Variants in MBD5 observed in about 807,000 individuals in gnomAD.
MBD5 encodes the protein methyl-CpG-binding domain protein 5.
Under a neutral mutation model 117.3 loss-of-function variants are expected in MBD5, and 13 were observed. The ratio of observed to expected loss-of-function variants is 0.11; its 90% confidence interval spans 0.07 to 0.18. MBD5 has a LOEUF of 0.18. Among genes scored for constraint, MBD5 ranks in the 10% least tolerant of loss-of-function variants. MBD5 has a pLI of 1.00. For missense variants in MBD5, 1,879 were observed against 2,093.8 expected, an observed-to-expected ratio of 0.90 and a Z score of 2.00; for synonymous variants, 727 against 766.4, an observed-to-expected ratio of 0.95 and a Z score of 0.85.
At chr2:148,177,322 T>A (rs1018550235) in intron 1 of MBD5, among the ~76,000 whole-genome samples, 5 of 152,196 alleles carry the variant, frequency 3.3e-5, no homozygotes, top group African/African-American at 1.2e-4. Context: ...GAATAGAGAA[T>A]CTGCCTCAGC....
chr2:148,359,585 G>T (rs1703478045), intron 4 of MBD5, among the ~76,000 whole-genome samples: 1 of 152,088 alleles, frequency 6.6e-6, no homozygotes, highest in Admixed American at 6.6e-5. Flanking sequence ...AGGCTTTGCA[G>T]TCTTAAGCAG....
chr2:148,302,367 A>C (rs552020529), intron 3 of MBD5, among the ~76,000 whole-genome samples: 12 of 152,300 alleles, frequency 7.9e-5, no homozygotes, highest in African/African-American at 2.2e-4. Flanking sequence ...ATCTGGAATG[A>C]GGACTTTCCC....
intron 1 of MBD5, among the ~76,000 whole-genome samples, chr2:148,161,132 A>G (rs1207605027): frequency 6.6e-6 from 1 of 152,194 alleles, no homozygotes; most frequent in Non-Finnish European, 1.5e-5. Flanking sequence ...TTTCACTGAT[A>G]CATTTAGCTT....
At chr2:148,080,868 T>C (rs1695631721) in intron 1 of MBD5, among the ~76,000 whole-genome samples, 1 of 152,176 alleles carries the variant, frequency 6.6e-6, no homozygotes, top group Non-Finnish European at 1.5e-5. Flanking sequence ...GGTGCTAAGA[T>C]AAGAGCCTTT....
chr2:148,180,725 G>A (rs1698512474), intron 2 of MBD5, among the ~76,000 whole-genome samples: 1 of 151,958 alleles, frequency 6.6e-6, no homozygotes, highest in Non-Finnish European at 1.5e-5. Context: ...TTTACACAAA[G>A]AGAAAGCAGA....
intron 1 of MBD5, among the ~76,000 whole-genome samples, chr2:148,052,170 A>G (rs1160604898): frequency 7.1e-6 from 1 of 140,652 alleles, no homozygotes; most frequent in Non-Finnish European, 1.6e-5. Flanking sequence ...TCTCTGTTGT[A>G]ATGTTTATTT....
intron 3 of MBD5, among the ~76,000 whole-genome samples, chr2:148,256,696 T>C (rs1700598613): frequency 6.6e-6 from 1 of 152,220 alleles, no homozygotes; most frequent in Non-Finnish European, 1.5e-5. Flanking sequence ...CAAGCAGTTA[T>C]AGCACCTCGG....
At chr2:148,066,730 G>A (rs1176611956) in intron 1 of MBD5, among the ~76,000 whole-genome samples, 1 of 152,026 alleles carries the variant, frequency 6.6e-6, no homozygotes, top group Non-Finnish European at 1.5e-5. Context: ...CACCTGCCTT[G>A]GCCTCCCAAA....
intron 1 of MBD5, chr2:148,055,923 T>TAGTA (rs1238679282): frequency 6.6e-6 from 1 of 152,198 alleles, no homozygotes; most frequent in Non-Finnish European, 1.5e-5. Context: ...ACATGTCACA[T>TAGTA]AGTACTCTGT....
At chr2:148,431,808 A>G (rs977579013) in intron 4 of MBD5, among the ~76,000 whole-genome samples, 22 of 152,138 alleles carry the variant, frequency 1.4e-4, no homozygotes, top group African/African-American at 5.1e-4. Flanking sequence ...GGTTGATTCC[A>G]TGTCTGTCCT....
chr2:148,216,541 T>A (rs1268060751), intron 2 of MBD5, among the ~76,000 whole-genome samples: 1 of 152,242 alleles, frequency 6.6e-6, no homozygotes, highest in East Asian at 1.9e-4. Context: ...TACAGGTATC[T>A]ACCGTGATAT....
chr2:148,215,066 G>T (rs183579902), intron 2 of MBD5, among the ~76,000 whole-genome samples: 1 of 152,258 alleles, frequency 6.6e-6, no homozygotes, highest in Admixed American at 6.5e-5. Flanking sequence ...ATAGGTTAAG[G>T]ATTGCACATT....
At chr2:148,475,551 T>C (rs950109360) in intron 8 of MBD5, among the ~76,000 whole-genome samples, 4 of 152,180 alleles carry the variant, frequency 2.6e-5, no homozygotes, top group African/African-American at 9.6e-5. Flanking sequence ...ATATGTTTGC[T>C]GATTCAGTGA....
At chr2:148,424,325 A>G (rs1705711333) in intron 4 of MBD5, among the ~76,000 whole-genome samples, 1 of 151,980 alleles carries the variant, frequency 6.6e-6, no homozygotes, top group African/African-American at 2.4e-5. Flanking sequence ...ATGCAACAAG[A>G]AGAGCTAATT....
chr2:148,064,453 T>C (rs755208347), intron 1 of MBD5, among the ~76,000 whole-genome samples: 2 of 152,124 alleles, frequency 1.3e-5, no homozygotes, highest in Non-Finnish European at 2.9e-5. Context: ...TACACAAAGA[T>C]TCTTTCCATA....
chr2:148,447,163 GGAA>G, intron 4 of MBD5, among the ~76,000 whole-genome samples: 1 of 123,198 alleles, frequency 8.1e-6, no homozygotes, highest in East Asian at 2.2e-4. Context: ...AGGAAAGAAA[GGAA>G]GAAAGGAAGA....
intron 1 of MBD5, among the ~76,000 whole-genome samples, chr2:148,135,267 A>G (rs1447588472): frequency 6.6e-6 from 1 of 152,144 alleles, no homozygotes; most frequent in Non-Finnish European, 1.5e-5. Flanking sequence ...TTCTATTCAC[A>G]AACAAAATTC....
Position 148,483,893 on chromosome 2 carries a change from C to T in MBD5, c.3302C>T (p.Thr1101Ile), listed in dbSNP as rs1559095624. The T allele has an allele frequency of 1.3e-6, 2 of 1,550,598 alleles. No homozygotes were observed. Among genetic ancestry groups the T allele is most frequent in the South Asian group, 1.2e-5 (1 of 84,064 alleles). ...GTCCTGAACTCGGCATCGGCCAACA[C>T]CGCTAATCATCCAGAGGTTTCCATA... is the stretch of plus-strand genomic sequence containing the variant. ...GGVLNSASAN[T>I]ANHPEVSIAT... is the part of the protein sequence containing the mutation. The change falls in exon 9 of 14, where the codon ACC becomes ATC. Residue 1101 changes from threonine (T) to isoleucine (I), a missense_variant. Thr to Ile is a moderately conservative substitution (Grantham distance 89). Coordinates refer to ENST00000642680, the MANE Select transcript of MBD5 (RefSeq NM_001378120.1).
At chr2:148,294,196 G>GTTTTTTTTTTTTTTTTTTTTTTTTT (rs60942822) in intron 3 of MBD5, among the ~76,000 whole-genome samples, 1 of 127,146 alleles carries the variant, frequency 7.9e-6, no homozygotes, top group African/African-American at 3.0e-5. Context: ...CCAGAATGAA[G>GTTTTTTTTTTTTTTTTTTTTTTTTT]TTTTTTTTTT....
Sources: gnomAD v4.1 joint callset for allele counts (sites outside exome capture counted in the v4.1 genomes callset) on GRCh38, gnomAD v4.1.1 for gene constraint, MANE v1.5 for transcripts, NCBI Gene and HGNC (gene_info 2026-07-23, HGNC 2026-07-21) for gene names.